Variants in KBTBD11 observed in about 807,000 individuals in gnomAD.
KBTBD11 encodes kelch repeat and BTB domain-containing protein 11.
For synonymous variants in KBTBD11, 747 were observed against 499.0 expected (o/e 1.50, Z -6.63); for missense variants, 1,390 against 1,001.8 (o/e 1.39, Z -5.23).
intron 1 of KBTBD11, among the ~76,000 whole-genome samples, chr8:1,995,929 G>A (rs1817120240): frequency 6.6e-6 from 1 of 152,162 alleles, no homozygotes; most frequent in African/African-American, 2.4e-5. Flanking sequence ...GGAGGCTGAG[G>A]TGGGAGGATC....
rs1816203080 is a variant in KBTBD11 at position 1,973,767 on chromosome 8, G to A, written c.-1077G>A. ...GAGAGGCCTGTCCACCGCCCCCTCTGCCGCCCACGCCCCGCTGCGGGTCGG... is the reference window on the plus strand; with the variant it reads ...GAGAGGCCTGTCCACCGCCCCCTCTACCGCCCACGCCCCGCTGCGGGTCGG... On this transcript the variant is annotated 5_prime_UTR_variant, in exon 1 of 2. Coordinates refer to ENST00000320248, the MANE Select transcript of KBTBD11 (RefSeq NM_014867.3). The A allele has an allele frequency of 1.0e-5, 10 of 983,782 alleles. No homozygotes were observed. The highest frequency in any genetic ancestry group is 1.2e-5 in the Non-Finnish European group (10 of 829,334). 60.9% of individuals were successfully genotyped at this position (983,782 alleles called of 1,614,324 possible). A position where few individuals can be genotyped will look rare whatever the true frequency, so the allele number is the denominator to read the frequency against.
intron 1 of KBTBD11, chr8:1,975,040 C>T (rs1816284909): frequency 6.6e-6 from 1 of 152,228 alleles, no homozygotes; most frequent in Admixed American, 6.5e-5. Flanking sequence ...GTCAATGGAA[C>T]CCTTCAGCCT....
chr8:1,982,603 G>A (rs1397666982), intron 1 of KBTBD11, among the ~76,000 whole-genome samples: 1 of 152,178 alleles, frequency 6.6e-6, no homozygotes, highest in Non-Finnish European at 1.5e-5. Context: ...AGCAGAGGGA[G>A]CTATGCTTAT....
rs1208873886 is a variant in KBTBD11, at chr8:2,001,075, C to T, written c.-118C>T. On this transcript the variant is annotated 5_prime_UTR_variant, in exon 2 of 2. Transcript: ENST00000320248. ...AAGCGTGGACACACAGAAGTGAAAT[C>T]TGATCGCGTGCCAGGAAAAGCTGTG... is the stretch of plus-strand genomic sequence containing the variant. The T allele has an allele frequency of 1.6e-6, 2 of 1,233,422 alleles. No individual in the cohort carries two copies. Among genetic ancestry groups the T allele is most frequent in the Admixed American group, 4.2e-5 (1 of 23,870 alleles). 76.4% of individuals were successfully genotyped at this position (1,233,422 alleles called of 1,614,324 possible).
intron 1 of KBTBD11, among the ~76,000 whole-genome samples, chr8:1,985,508 G>C (rs1444514657): frequency 1.3e-5 from 2 of 152,284 alleles, no homozygotes; most frequent in African/African-American, 2.4e-5. Context: ...ACGGCAGCCT[G>C]CTCAGCTTCC....
rs1585758471 is a variant in KBTBD11, at chr8:2,000,964, C to T, written c.-229C>T. The stretch of plus-strand genomic sequence containing the variant: ...GGGTTCAGAAGTTCAGCAAGTCGGA[C>T]ACACCCCTCCTCGCTGGAGAGGAGA... On this transcript the variant is annotated 5_prime_UTR_variant, in exon 2 of 2. Coordinates refer to ENST00000320248, the MANE Select transcript of KBTBD11 (RefSeq NM_014867.3). 2 of 454,660 alleles carry T rather than the reference C, an allele frequency of 4.4e-6. No homozygotes were observed. The highest frequency in any genetic ancestry group is 7.1e-5 in the East Asian group (2 of 28,086). 28.2% of individuals were successfully genotyped at this position (454,660 alleles called of 1,614,324 possible). A position where few individuals can be genotyped will look rare whatever the true frequency, so the allele number is the denominator to read the frequency against.
chr8:1,999,988 G>T (rs1337248888), intron 1 of KBTBD11, among the ~76,000 whole-genome samples: 1 of 152,148 alleles, frequency 6.6e-6, no homozygotes, highest in South Asian at 2.1e-4. Context: ...AACTTCATAT[G>T]GTTCAACCGA....
intron 1 of KBTBD11, among the ~76,000 whole-genome samples, chr8:1,985,933 C>A (rs551600570): frequency 9.8e-5 from 15 of 152,348 alleles, no homozygotes; most frequent in African/African-American, 2.4e-4. Context: ...ATTGTAGACA[C>A]ATCGGTTTTG....
intron 1 of KBTBD11, among the ~76,000 whole-genome samples, chr8:1,981,630 C>T (rs1179604667): frequency 3.9e-5 from 6 of 152,150 alleles, no homozygotes; most frequent in Non-Finnish European, 7.3e-5. Flanking sequence ...CCCTCAGTAC[C>T]GTCCAATTGT....
rs992327128 is a variant in KBTBD11, at chr8:2,001,862, A to G, written c.670A>G (p.Thr224Ala). ...LQLPGAAQRA[T>A]DAVGPQLSLA... The stretch of plus-strand genomic sequence containing the variant: ...GCTGCCCGGCGCCGCGCAGCGCGCC[A>G]CCGACGCCGTGGGGCCGCAGCTGAG... Residue 224 changes from threonine (T) to alanine (A), a missense_variant, in exon 2 of 2, where the codon ACC becomes GCC. Thr to Ala is a moderately conservative substitution (Grantham distance 58). Transcript: ENST00000320248. 2.3e-6 allele frequency: 3 copies of G among 1,300,068 alleles called. No individual in the cohort carries two copies. The highest frequency in any genetic ancestry group is 3.1e-5 in the African/African-American group (2 of 63,726). 80.5% of individuals were successfully genotyped at this position (1,300,068 alleles called of 1,614,324 possible).
At chr8:1,978,681 T>A (rs1816434777) in intron 1 of KBTBD11, among the ~76,000 whole-genome samples, 1 of 152,168 alleles carries the variant, frequency 6.6e-6, no homozygotes, top group Non-Finnish European at 1.5e-5. Context: ...GAACGGGGTC[T>A]CAACTGTGAG....
At chr8:1,987,073 C>T (rs192493666) in intron 1 of KBTBD11, among the ~76,000 whole-genome samples, 11 of 148,398 alleles carry the variant, frequency 7.4e-5, no homozygotes, top group Admixed American at 2.0e-4. Context: ...CTGAATGATA[C>T]GGTCTATGTG....
intron 1 of KBTBD11, among the ~76,000 whole-genome samples, chr8:1,977,308 A>G (rs1378872663): frequency 6.6e-6 from 1 of 152,190 alleles, no homozygotes. Flanking sequence ...TGTAAATGAA[A>G]AACCACGGTG....
At position 2,001,612 on chromosome 8, in the gene KBTBD11, G is replaced by C. The variant is rs1238653651; in HGVS notation, c.420G>C (p.Pro140=). 11 of 1,476,798 alleles carry C rather than the reference G, an allele frequency of 7.4e-6. No individual in the cohort carries two copies. Among genetic ancestry groups the C allele is most frequent in the Admixed American group, 2.3e-5 (1 of 44,024 alleles). The allele number at this position is 1,476,798 out of a possible 1,614,324, so 91.5% of individuals were successfully genotyped here. The change falls in exon 2 of 2, where the codon CCG becomes CCC. Residue 140 remains proline (P), a synonymous_variant. Coordinates refer to ENST00000320248, the MANE Select transcript of KBTBD11 (RefSeq NM_014867.3). ...GGTTCGGGGCGGTGTACGGGGAGCCGGACCTGGTGCTGGAGGTGTCGGGGC... is the reference window on the plus strand; with the variant it reads ...GGTTCGGGGCGGTGTACGGGGAGCCCGACCTGGTGCTGGAGGTGTCGGGGC... The part of the protein sequence containing the change: ...PPGFGAVYGE[P]DLVLEVSGRR...
rs2129305971 is a variant in KBTBD11, at chr8:1,973,742, G to A, written c.-1102G>A. 2.4e-5 allele frequency: 24 copies of A among 983,832 alleles called. No homozygotes were observed. The highest frequency in any genetic ancestry group is 2.8e-5 in the Non-Finnish European group (23 of 829,360). 60.9% of individuals were successfully genotyped at this position (983,832 alleles called of 1,614,324 possible). A position where few individuals can be genotyped will look rare whatever the true frequency, so the allele number is the denominator to read the frequency against. On this transcript the variant is annotated 5_prime_UTR_variant, in exon 1 of 2. Transcript: ENST00000320248. ...TGGCTCCGCGCGGCCTGGAGAGGCGGAGAGGCCTGTCCACCGCCCCCTCTG... is the reference window on the plus strand; with the variant it reads ...TGGCTCCGCGCGGCCTGGAGAGGCGAAGAGGCCTGTCCACCGCCCCCTCTG...
chr8:2,001,915 C>T lies in KBTBD11; in HGVS notation c.723C>T (p.Ser241=), dbSNP rs1417988080. 6.9e-7 allele frequency: 1 copy of T among 1,454,958 alleles called. No homozygotes were observed. Among genetic ancestry groups the T allele is most frequent in the South Asian group, 1.2e-5 (1 of 81,522 alleles). The allele number at this position is 1,454,958 out of a possible 1,614,324, so 90.1% of individuals were successfully genotyped here. The change falls in exon 2 of 2, where the codon AGC becomes AGT. Residue 241 remains serine, a synonymous_variant. Transcript: ENST00000320248. ...TGGCCAACTGCTACGAGGTCCTGAG[C>T]GCGGCCAAGCGGCAGCGGCTGAACG... is the stretch of plus-strand genomic sequence containing the variant. ...LSLANCYEVL[S]AAKRQRLNEL...
At chr8:1,985,061 C>G (rs940134204) in intron 1 of KBTBD11, among the ~76,000 whole-genome samples, 1 of 152,206 alleles carries the variant, frequency 6.6e-6, no homozygotes, top group South Asian at 2.1e-4. Flanking sequence ...CCTGGGTCCT[C>G]GGAAGCCCCT....
Position 2,001,116 on chromosome 8 carries a change from G to C in KBTBD11, c.-77G>C, listed in dbSNP as rs1476555714. On this transcript the variant is annotated 5_prime_UTR_variant, in exon 2 of 2. Coordinates refer to ENST00000320248, the MANE Select transcript of KBTBD11 (RefSeq NM_014867.3). ...AAAAGCTGTGAGGCTGGAAACCCCG[G>C]AGTAAGGCTCGACCTTGGCCAGACC... 45 of 1,266,040 alleles carry C rather than the reference G, an allele frequency of 3.6e-5. No individual in the cohort carries two copies. The highest frequency in any genetic ancestry group is 4.3e-5 in the Non-Finnish European group (43 of 1,006,316). 78.4% of individuals were successfully genotyped at this position (1,266,040 alleles called of 1,614,324 possible).
chr8:1,985,658 C>T (rs950131263), intron 1 of KBTBD11, among the ~76,000 whole-genome samples: 4 of 152,148 alleles, frequency 2.6e-5, no homozygotes, highest in Non-Finnish European at 5.9e-5. Context: ...TAGAGAAAAA[C>T]ACGAAATAAA....
Sources: gnomAD v4.1 joint callset for allele counts (sites outside exome capture counted in the v4.1 genomes callset) on GRCh38, gnomAD v4.1.1 for gene constraint, MANE v1.5 for transcripts, NCBI Gene and HGNC (gene_info 2026-07-23, HGNC 2026-07-21) for gene names.